PCDHA7: variants seen among roughly 807,000 people sequenced by gnomAD.
PCDHA7 encodes the protein protocadherin alpha 7, also known as protocadherin alpha-7.
Under a neutral mutation model 57.2 loss-of-function variants are expected in PCDHA7, and 37 were observed. The observed-to-expected ratio is 0.65, with a 90% CI of 0.50 to 0.85. The LOEUF (loss-of-function observed/expected upper bound fraction) is 0.85. PCDHA7 is among the 40% of genes least tolerant of loss of function. The pLI is 0.00. For missense variants in PCDHA7, 1,188 were observed against 1,241.8 expected (o/e 0.96, Z 0.65); for synonymous variants, 553 against 558.8 (o/e 0.99, Z 0.15).
At chr5:140,896,894 T>A (rs1317627647) in intron 1 of PCDHA7, among the ~76,000 whole-genome samples, 6 of 152,208 alleles carry the variant, frequency 3.9e-5, no homozygotes, top group Admixed American at 2.0e-4. Context: ...TGAGACATTT[T>A]GATACAAGCA....
chr5:140,995,709 G>C (rs1279829164), intron 3 of PCDHA7, among the ~76,000 whole-genome samples: 6 of 152,162 alleles, frequency 3.9e-5, no homozygotes, highest in African/African-American at 1.4e-4. Flanking sequence ...GCTGGGCTTG[G>C]AAATGTTCTT....
intron 1 of PCDHA7, among the ~76,000 whole-genome samples, chr5:140,872,240 T>A (rs2053559781): frequency 6.6e-6 from 1 of 152,178 alleles, no homozygotes; most frequent in Non-Finnish European, 1.5e-5. Flanking sequence ...TTGTCTTTAT[T>A]CCTGTGATAA....
chr5:140,871,017 G>C, intron 1 of PCDHA7: 2 of 1,613,298 alleles, frequency 1.2e-6, no homozygotes, highest in Non-Finnish European at 8.5e-7. Flanking sequence ...CCCTGGACGA[G>C]GCAGACTCGC....
chr5:140,933,429 G>A (rs2089147163), intron 1 of PCDHA7, among the ~76,000 whole-genome samples: 1 of 151,830 alleles, frequency 6.6e-6, no homozygotes, highest in South Asian at 2.1e-4. Flanking sequence ...GTTCATAGGG[G>A]CACTCTAATG....
intron 1 of PCDHA7, among the ~76,000 whole-genome samples, chr5:140,950,430 A>T (rs1312660380): frequency 6.6e-6 from 1 of 151,876 alleles, no homozygotes; most frequent in Admixed American, 6.6e-5. Context: ...TCTTCCACTT[A>T]AAAAAAATGT....
chr5:140,871,577 G>A, intron 1 of PCDHA7: 1 of 1,474,316 alleles, frequency 6.8e-7, no homozygotes, highest in Non-Finnish European at 9.0e-7. Flanking sequence ...ATTTTTTAAG[G>A]GAAAGTTTTA....
At chr5:141,007,318 A>C (rs2098314985) in intron 3 of PCDHA7, among the ~76,000 whole-genome samples, 1 of 151,736 alleles carries the variant, frequency 6.6e-6, no homozygotes, top group South Asian at 2.1e-4. Flanking sequence ...TGGGAGGCTA[A>C]AGTGGACAGA....
At chr5:140,993,727 T>C (rs1482867785) in intron 3 of PCDHA7, among the ~76,000 whole-genome samples, 1 of 152,220 alleles carries the variant, frequency 6.6e-6, no homozygotes, top group Non-Finnish European at 1.5e-5. Context: ...ACCTTTTCTA[T>C]GTTTAGATAC....
chr5:141,000,395 C>CTCTATAAA (rs1213762225), intron 3 of PCDHA7, among the ~76,000 whole-genome samples: 2 of 53,986 alleles, frequency 3.7e-5, no homozygotes, highest in African/African-American at 1.5e-4. Context: ...CTCTCTCTCT[C>CTCTATAAA]TATATATATA....
At chr5:140,855,836 A>T in intron 1 of PCDHA7, 3 of 600,200 alleles carry the variant, frequency 5.0e-6, no homozygotes, top group Non-Finnish European at 2.9e-6. Flanking sequence ...AATCGTACTT[A>T]CACCTAAAGC....
chr5:140,843,636 TC>T, intron 1 of PCDHA7: 2 of 1,595,920 alleles, frequency 1.3e-6, no homozygotes, highest in Non-Finnish European at 1.7e-6. Context: ...CTCATGGCCT[TC>T]AGCCCCTGCC....
intron 1 of PCDHA7, among the ~76,000 whole-genome samples, chr5:140,879,621 T>G (rs1050176793): frequency 5.9e-5 from 9 of 152,076 alleles, no homozygotes; most frequent in African/African-American, 2.2e-4. Context: ...GGTACTTAGG[T>G]GGGTAAGTGT....
intron 1 of PCDHA7, among the ~76,000 whole-genome samples, chr5:140,917,473 C>G (rs1355146896): frequency 1.3e-5 from 2 of 152,196 alleles, no homozygotes; most frequent in Admixed American, 1.3e-4. Flanking sequence ...GTCATGAAAT[C>G]TTTGCCAGGG....
chr5:141,002,099 GC>G (rs1399073427), intron 3 of PCDHA7, among the ~76,000 whole-genome samples: 9 of 152,362 alleles, frequency 5.9e-5, no homozygotes, highest in Non-Finnish European at 1.2e-4. Flanking sequence ...CAGGGGCTGG[GC>G]CGGAAACGGC....
intron 1 of PCDHA7, among the ~76,000 whole-genome samples, chr5:140,965,210 T>C (rs1554227481): frequency 6.6e-6 from 1 of 152,214 alleles, no homozygotes; most frequent in Non-Finnish European, 1.5e-5. Context: ...TTCAAATTCC[T>C]GTGGAAGAAA....
Position 140,836,098 on chromosome 5 carries a change from G to A in PCDHA7, c.1715G>A (p.Gly572Asp). The change falls in exon 1 of 4, where the codon GGC becomes GAC. Residue 572 changes from glycine (G) to aspartate (D), a missense_variant. Coordinates refer to ENST00000525929, the MANE Select transcript of PCDHA7 (RefSeq NM_018910.3). The stretch of plus-strand genomic sequence containing the variant: ...GCACTGCTGGCGCCTCGGGTGGGTG[G>A]CACTGGTGGCGCAGTGAGAGAGCTT... ...APALLAPRVG[G>D]TGGAVRELVP... The A allele has an allele frequency of 3.1e-6, 5 of 1,613,714 alleles. No individual in the cohort carries two copies. Among genetic ancestry groups the A allele is most frequent in the Non-Finnish European group, 4.2e-6 (5 of 1,179,788 alleles).
chr5:140,967,976 C>T (rs2096205972), intron 1 of PCDHA7: 3 of 1,614,222 alleles, frequency 1.9e-6, no homozygotes, highest in Non-Finnish European at 2.5e-6. Context: ...GAGCCTGGGT[C>T]TGGAGGCCAC....
chr5:140,875,498 C>G lies in PCDHA7; in HGVS notation c.2355+38760C>G. 1.9e-6 allele frequency: 3 copies of G among 1,613,292 alleles called. No homozygotes were observed. Among genetic ancestry groups the G allele is most frequent in the Non-Finnish European group, 1.7e-6 (2 of 1,179,476 alleles). ...ATGGTGATTATCGGACCAAGAGGCCCGGGATCCCAGCGTCTGCTGCTCTCG... is the reference window on the plus strand; with the variant it reads ...ATGGTGATTATCGGACCAAGAGGCCGGGGATCCCAGCGTCTGCTGCTCTCG... On this transcript the variant is annotated intron_variant, in intron 1 of 3. Transcript: ENST00000525929.
intron 1 of PCDHA7, among the ~76,000 whole-genome samples, chr5:140,879,613 T>C (rs2058057940): frequency 6.6e-6 from 1 of 152,200 alleles, no homozygotes; most frequent in Non-Finnish European, 1.5e-5. Context: ...TGTGTCCAGG[T>C]ACTTAGGTGG....
Sources: allele counts gnomAD v4.1 joint callset (sites outside exome capture counted in the v4.1 genomes callset), GRCh38; gene constraint gnomAD v4.1.1; transcripts MANE v1.5; gene names NCBI Gene and HGNC (gene_info 2026-07-23, HGNC 2026-07-21).